NPAS3: variants seen among roughly 807,000 people sequenced by gnomAD.
NPAS3 encodes the protein neuronal PAS domain-containing protein 3.
Under a neutral mutation model 73.1 loss-of-function variants are expected in NPAS3, and 14 were observed. That is an observed-to-expected ratio of 0.19 (90% CI 0.13 to 0.30). The LOEUF is 0.30. Among genes scored for constraint, NPAS3 ranks in the 10% least tolerant of loss-of-function variants. NPAS3 has a pLI of 1.00. For synonymous variants in NPAS3, 620 were observed against 541.5 expected (o/e 1.14, Z -2.01); for missense variants, 1,096 against 1,250.0 (o/e 0.88, Z 1.86).
intron 5 of NPAS3, among the ~76,000 whole-genome samples, chr14:33,628,107 G>GA (rs1439428137): frequency 6.6e-6 from 1 of 152,158 alleles, no homozygotes; most frequent in South Asian, 2.1e-4. Context: ...GAAGCTAGTG[G>GA]AAAAAATGGT....
chr14:32,972,431 A>G (rs576078350), intron 1 of NPAS3, among the ~76,000 whole-genome samples: 48 of 152,368 alleles, frequency 3.2e-4, no homozygotes, highest in Middle Eastern at 3.4e-3. Flanking sequence ...CATAAAATCA[A>G]GTTTGCTCAA....
chr14:33,701,382 T>A (rs368027684), intron 6 of NPAS3, among the ~76,000 whole-genome samples: 20 of 152,332 alleles, frequency 1.3e-4, no homozygotes, highest in African/African-American at 4.8e-4. Context: ...AACCTGCAGG[T>A]CTGTTTGGCC....
intron 2 of NPAS3, among the ~76,000 whole-genome samples, chr14:33,139,731 T>C (rs2043973620): frequency 6.6e-6 from 1 of 152,196 alleles, no homozygotes; most frequent in African/African-American, 2.4e-5. Flanking sequence ...TAAAAATATG[T>C]TTCCTCAGTT....
intron 4 of NPAS3, among the ~76,000 whole-genome samples, chr14:33,545,190 T>C (rs1304784373): frequency 6.6e-6 from 1 of 152,120 alleles, no homozygotes; most frequent in African/African-American, 2.4e-5. Flanking sequence ...GACATGACTA[T>C]TGAGTTTTTT....
chr14:33,138,469 A>G (rs1283842472), intron 2 of NPAS3, among the ~76,000 whole-genome samples: 1 of 152,156 alleles, frequency 6.6e-6, no homozygotes, highest in African/African-American at 2.4e-5. Flanking sequence ...AGGTTAGAAA[A>G]CATACTTGAA....
At chr14:33,572,202 G>A (rs954211585) in intron 5 of NPAS3, among the ~76,000 whole-genome samples, 1 of 152,090 alleles carries the variant, frequency 6.6e-6, no homozygotes, top group East Asian at 1.9e-4. Context: ...ATTGACTTGT[G>A]CATTCCTGGT....
intron 2 of NPAS3, among the ~76,000 whole-genome samples, chr14:33,057,785 G>A (rs2040942719): frequency 6.6e-6 from 1 of 152,196 alleles, no homozygotes. Flanking sequence ...AATAAATGAT[G>A]AAGAAGGGGA....
intron 4 of NPAS3, among the ~76,000 whole-genome samples, chr14:33,397,723 G>C (rs908378408): frequency 1.3e-5 from 2 of 152,112 alleles, no homozygotes; most frequent in Non-Finnish European, 2.9e-5. Flanking sequence ...TGTATGGAAA[G>C]TAACACATCT....
chr14:33,343,034 C>T (rs1045981158), intron 3 of NPAS3, among the ~76,000 whole-genome samples: 1 of 152,114 alleles, frequency 6.6e-6, no homozygotes, highest in African/African-American at 2.4e-5. Flanking sequence ...TAATCTTCTC[C>T]CTGGATTTCT....
At chr14:33,593,684 A>G (rs1157455642) in intron 5 of NPAS3, among the ~76,000 whole-genome samples, 1 of 152,170 alleles carries the variant, frequency 6.6e-6, no homozygotes, top group Non-Finnish European at 1.5e-5. Flanking sequence ...TAACGTTTAT[A>G]TTCTATTCTA....
intron 6 of NPAS3, among the ~76,000 whole-genome samples, chr14:33,686,604 GTTA>G (rs1470234993): frequency 2.0e-5 from 3 of 150,006 alleles, no homozygotes; most frequent in African/African-American, 7.6e-5. Context: ...TATTGAAGAT[GTTA>G]TTATTTTTCC....
chr14:33,788,053 A>G (rs1364948101), intron 9 of NPAS3, among the ~76,000 whole-genome samples: 2 of 152,206 alleles, frequency 1.3e-5, no homozygotes, highest in Non-Finnish European at 2.9e-5. Flanking sequence ...AGCAGAGATT[A>G]AAGAGTCAGT....
chr14:33,584,612 C>T (rs2056795847), intron 5 of NPAS3, among the ~76,000 whole-genome samples: 1 of 152,070 alleles, frequency 6.6e-6, no homozygotes, highest in Admixed American at 6.5e-5. Flanking sequence ...AACTTCTAGC[C>T]AACAGGAGGA....
At chr14:32,970,242 C>T (rs1413512603) in intron 1 of NPAS3, among the ~76,000 whole-genome samples, 2 of 152,136 alleles carry the variant, frequency 1.3e-5, no homozygotes, top group East Asian at 1.9e-4. Context: ...TGAAAATTCT[C>T]AATTTTTGAG....
intron 4 of NPAS3, among the ~76,000 whole-genome samples, chr14:33,552,843 G>T (rs1200723687): frequency 1.3e-5 from 2 of 152,094 alleles, no homozygotes; most frequent in Admixed American, 6.5e-5. Flanking sequence ...CCTTGAAAAA[G>T]AACTCTGAAT....
intron 2 of NPAS3, among the ~76,000 whole-genome samples, chr14:33,142,311 T>C (rs1402007550): frequency 2.1e-5 from 3 of 145,572 alleles, no homozygotes; most frequent in Non-Finnish European, 4.5e-5. Context: ...AGACATACAC[T>C]AACATTTTTT....
Position 33,620,708 on chromosome 14 carries a change from G to T in NPAS3, c.559-55503G>T, listed in dbSNP as rs541122382. 1.4e-4 allele frequency among the ~76,000 whole-genome samples: 21 copies of T among 152,176 alleles called. No individual in the cohort carries two copies. The South Asian group carries it at 4.1e-3, about 30-fold the overall frequency. ...ATAATGCACCAAATATATGTTTTAT[G>T]CCCATTCTTAGGTTTACTTGGCATA... is the stretch of plus-strand genomic sequence containing the variant. On this transcript the variant is annotated intron_variant, in intron 5 of 11. Coordinates refer to ENST00000356141, the Ensembl canonical transcript of NPAS3.
At chr14:32,989,426 C>T (rs1393476899) in intron 1 of NPAS3, among the ~76,000 whole-genome samples, 1 of 152,136 alleles carries the variant, frequency 6.6e-6, no homozygotes, top group African/African-American at 2.4e-5. Context: ...GGGCGGATCA[C>T]GAGGTCAGGA....
chr14:33,661,513 C>A (rs1298462820), intron 5 of NPAS3, among the ~76,000 whole-genome samples: 2 of 152,162 alleles, frequency 1.3e-5, no homozygotes, highest in Non-Finnish European at 2.9e-5. Context: ...CCAGAATTGC[C>A]ACTTACTACA....
Sources: allele counts gnomAD v4.1 joint callset (sites outside exome capture counted in the v4.1 genomes callset), GRCh38; gene constraint gnomAD v4.1.1; transcripts MANE v1.5; gene names NCBI Gene and HGNC (gene_info 2026-07-23, HGNC 2026-07-21).